Variants in VASP observed in about 807,000 individuals in gnomAD.
VASP encodes the protein vasodilator-stimulated phosphoprotein.
VASP carries 27 observed loss-of-function variants against 54.4 expected under a neutral mutation model. The observed-to-expected ratio is 0.50, with a 90% CI of 0.37 to 0.68. VASP has a LOEUF of 0.68. Ranked by LOEUF, VASP falls within the 30% of genes least tolerant of loss-of-function variation. The pLI, the probability that VASP is intolerant of heterozygous loss-of-function variation, is 0.00. For missense variants in VASP, 488 were observed against 528.3 expected, an observed-to-expected ratio of 0.92 and a Z score of 0.75; for synonymous variants, 233 against 209.8, an observed-to-expected ratio of 1.11 and a Z score of -0.96.
chr19:45,507,692 C>A lies in VASP; in HGVS notation c.-80C>A. ...GAGCCTGAGCCGAGCCCGGAGCCAG[C>A]CCCGAACCCCTGAACCTCCAGCCAG... is the stretch of plus-strand genomic sequence containing the variant. On this transcript the variant is annotated 5_prime_UTR_variant, in exon 1 of 13. Coordinates refer to ENST00000245932, the MANE Select transcript of VASP (RefSeq NM_003370.4). This position sits in a 1 kb window ranked among gnomAD's most constrained non-coding sequence, Gnocchi z 4.4. 2 of 1,505,162 alleles carry A rather than the reference C, an allele frequency of 1.3e-6. No homozygotes were observed. The highest frequency in any genetic ancestry group is 1.8e-6 in the Non-Finnish European group (2 of 1,130,202). The allele number at this position is 1,505,162 out of a possible 1,614,324, so 93.2% of individuals were successfully genotyped here. A position where few individuals can be genotyped will look rare whatever the true frequency, so the allele number is the denominator to read the frequency against.
chr19:45,509,517 C>CCCACCACCACCACCA (rs3038808), intron 1 of VASP, among the ~76,000 whole-genome samples: 18 of 151,094 alleles, frequency 1.2e-4, no homozygotes, highest in South Asian at 8.4e-4. Flanking sequence ...CCCTGTCCTC[C>CCCACCACCACCACCA]CCACCACCAC....
chr19:45,510,519 C>A lies in VASP; in HGVS notation c.5+2743C>A, dbSNP rs542174109. The stretch of plus-strand genomic sequence containing the variant: ...ATTATTACAGACGTCAGCCACCACA[C>A]CTGGCCCCTCATGGCAGTTCGAACA... On this transcript the variant is annotated intron_variant, in intron 1 of 12. Transcript: ENST00000245932. Among the ~76,000 whole-genome samples the A allele has an allele frequency of 3.9e-5, 6 of 152,266 alleles. No individual in the cohort carries two copies. In the South Asian group the frequency reaches 1.2e-3, roughly 32 times the overall value.
chr19:45,511,316 T>C (rs1968596462), intron 1 of VASP, among the ~76,000 whole-genome samples: 1 of 152,290 alleles, frequency 6.6e-6, no homozygotes, highest in Admixed American at 6.5e-5. Flanking sequence ...GGAAGCTCTC[T>C]CCTTCATGTG....
chr19:45,526,068 G>T, intron 12 of VASP, 65 bp downstream of exon 12: 1 of 1,613,516 alleles, frequency 6.2e-7, no homozygotes, highest in Non-Finnish European at 8.5e-7. Flanking sequence ...CATGTCCCTG[G>T]GCAAGAGCCC....
chr19:45,508,397 G>A (rs890412553), intron 1 of VASP, among the ~76,000 whole-genome samples: 9 of 152,200 alleles, frequency 5.9e-5, no homozygotes, highest in Admixed American at 5.9e-4. Flanking sequence ...TCCAGAGTCT[G>A]GTGGGACCCC....
At chr19:45,510,646 A>T (rs915275484) in intron 1 of VASP, among the ~76,000 whole-genome samples, 1 of 152,116 alleles carries the variant, frequency 6.6e-6, no homozygotes, top group Admixed American at 6.6e-5. Flanking sequence ...ATTAAACTCA[A>T]ACAGGGCCAG....
chr19:45,526,164 G>C lies in VASP; in HGVS notation c.1130G>C (p.Arg377Pro), dbSNP rs202205375. Residue 377 changes from arginine (R) to proline (P), a missense_variant, in exon 13 of 13, where the codon CGG (arginine) becomes CCG (proline). This residue lies in a region of VASP where 126 missense variants were observed against 134.8 expected (regional missense o/e 0.94). Coordinates refer to ENST00000245932, the MANE Select transcript of VASP (RefSeq NM_003370.4). Reference sequence around the variant, plus strand: ...GCCTTCGTCCAGGAGCTGAGGAAGCGGGGTTCTCCCTGACCACAGGGACCC... The same window carrying C: ...GCCTTCGTCCAGGAGCTGAGGAAGCCGGGTTCTCCCTGACCACAGGGACCC... ...IEAFVQELRK[R>P]GSP 1.2e-6 allele frequency: 2 copies of C among 1,613,090 alleles called. No homozygotes were observed. The highest frequency in any genetic ancestry group is 1.7e-6 in the Non-Finnish European group (2 of 1,179,820).
At position 45,523,190 on chromosome 19, in the gene VASP, A is replaced by ATTTTTT. The variant is rs61288703; in HGVS notation, c.821+397_821+402dup. ...TGATTCTAGAACCACAATCTCTTGA[A>ATTTTTT]TTTTTTTTTTTTTTTTTTTTTTTTT... On this transcript the variant is annotated intron_variant, in intron 7 of 12. Transcript: ENST00000245932. Among the ~76,000 whole-genome samples the ATTTTTT allele has an allele frequency of 7.0e-3, 524 of 74,696 alleles. 67 individuals carry two copies. Among genetic ancestry groups the ATTTTTT allele is most frequent in the East Asian group, 0.044 (96 of 2,188 alleles). 49.0% of individuals were successfully genotyped at this position (74,696 alleles called of 152,430 possible). A position where few individuals can be genotyped will look rare whatever the true frequency, so the allele number is the denominator to read the frequency against.
At chr19:45,513,767 C>G (rs1968648218) in intron 1 of VASP, among the ~76,000 whole-genome samples, 1 of 151,854 alleles carries the variant, frequency 6.6e-6, no homozygotes, top group Non-Finnish European at 1.5e-5. Flanking sequence ...CACACCCAGC[C>G]TTCCCAAGCC....
rs190636723 is a variant in VASP, at chr19:45,513,933, G to A, written c.6-3730G>A. Among the ~76,000 whole-genome samples, 37 of 152,304 alleles carry A rather than the reference G, an allele frequency of 2.4e-4. 1 individual carries two copies. In the East Asian group the frequency reaches 6.0e-3, roughly 25 times the overall value. ...TACTATGTGTTGGACGCCATTCTAG[G>A]TTCTGGGGACACAGCAGTGAACAAC... is the stretch of plus-strand genomic sequence containing the variant. On this transcript the variant is annotated intron_variant, in intron 1 of 12. Coordinates refer to ENST00000245932, the MANE Select transcript of VASP (RefSeq NM_003370.4).
chr19:45,524,508 G>A, intron 10 of VASP, 62 bp from the exon 11 acceptor site: 1 of 1,507,466 alleles, frequency 6.6e-7, no homozygotes, highest in Non-Finnish European at 9.2e-7. Flanking sequence ...TGGAATAGGA[G>A]GCGGGGAAGC....
At chr19:45,516,038 C>T (rs750296015) in intron 1 of VASP, among the ~76,000 whole-genome samples, 1 of 152,222 alleles carries the variant, frequency 6.6e-6, no homozygotes, top group Non-Finnish European at 1.5e-5. Context: ...CACCAGTTTA[C>T]TGACACCTCC....
intron 3 of VASP, among the ~76,000 whole-genome samples, chr19:45,518,748 T>C (rs1968762488): frequency 6.6e-6 from 1 of 152,206 alleles, no homozygotes; most frequent in Non-Finnish European, 1.5e-5. Context: ...CTCTGCAGCC[T>C]TCACCTCCTG....
At chr19:45,525,064 G>A (rs1348665759) in intron 11 of VASP, 2 of 194,710 alleles carry the variant, frequency 1.0e-5, no homozygotes, top group Non-Finnish European at 2.2e-5. Context: ...CGATGTCATG[G>A]TGTCGATGTA....
intron 6 of VASP, 32 bp from the exon 7 acceptor site, chr19:45,522,686 C>A: frequency 1.2e-6 from 2 of 1,600,992 alleles, no homozygotes; most frequent in South Asian, 1.1e-5. Context: ...AGGCCTGCCC[C>A]TAAAGCTCCT....
At chr19:45,524,313 G>T in intron 10 of VASP, 171 bp downstream of exon 10, 2 of 789,234 alleles carry the variant, frequency 2.5e-6, no homozygotes, top group Non-Finnish European at 4.2e-6. Flanking sequence ...GAGGTGGGAG[G>T]ATTACTTGAG....
intron 4 of VASP, 85 bp downstream of exon 4, chr19:45,521,491 C>G (rs766628195): frequency 3.6e-5 from 45 of 1,239,310 alleles, no homozygotes; most frequent in Non-Finnish European, 4.7e-5. Flanking sequence ...AGTTCAGAAC[C>G]CAGCCAACTT....
chr19:45,524,437 AC>A, intron 10 of VASP, 132 bp from the exon 11 acceptor site: 1 of 887,442 alleles, frequency 1.1e-6, no homozygotes, highest in Non-Finnish European at 1.8e-6. Context: ...AAAAAAAAAA[AC>A]TGGGGCCCCA....
At chr19:45,522,839 C>T (rs1466504798) in intron 7 of VASP, 21 bp downstream of exon 7, 1 of 1,596,146 alleles carries the variant, frequency 6.3e-7, no homozygotes, top group African/African-American at 1.4e-5. Context: ...GCCTGGACCC[C>T]CAAGTCACCT....
Sources: gnomAD v4.1 joint callset for allele counts (sites outside exome capture counted in the v4.1 genomes callset) on GRCh38, gnomAD v4.1.1 for gene constraint, gnomAD v4.1.1 regional missense constraint, Gnocchi (gnomAD v3.1) non-coding constraint, MANE v1.5 for transcripts, NCBI Gene and HGNC (gene_info 2026-07-23, HGNC 2026-07-21) for gene names.